Variants in PRKCA observed in about 807,000 individuals in gnomAD.
PRKCA encodes protein kinase C alpha.
In PRKCA, 27 loss-of-function variants were observed where a neutral mutation model predicts 87.0. That is an observed-to-expected ratio of 0.31 (90% CI 0.23 to 0.43). The LOEUF is 0.43. Ranked by LOEUF, PRKCA falls within the 20% of genes least tolerant of loss-of-function variation. The pLI is 1.00. For synonymous variants in PRKCA, 329 were observed against 311.1 expected, an observed-to-expected ratio of 1.06 and a Z score of -0.61; for missense variants, 518 against 852.3, an observed-to-expected ratio of 0.61 and a Z score of 4.88.
At position 66,360,394 on chromosome 17, in the gene PRKCA, G is replaced by A. The variant is rs183601848; in HGVS notation, c.205+54267G>A. 1.1e-4 allele frequency among the ~76,000 whole-genome samples: 16 copies of A among 152,284 alleles called. No individual in the cohort carries two copies. In the East Asian group the frequency reaches 1.9e-3, roughly 18 times the overall value. On this transcript the variant is annotated intron_variant, in intron 2 of 16. Coordinates refer to ENST00000413366, the MANE Select transcript of PRKCA (RefSeq NM_002737.3). Reference sequence around the variant, plus strand: ...CCTCCATGAGTCTTAGCTGCTCCACGAGAAAAATACTCACTGTTTTCTCAT... The same window carrying A: ...CCTCCATGAGTCTTAGCTGCTCCACAAGAAAAATACTCACTGTTTTCTCAT...
chr17:66,648,290 A>T (rs182247504), intron 5 of PRKCA, among the ~76,000 whole-genome samples: 247 of 152,364 alleles, frequency 1.6e-3, no homozygotes, highest in Non-Finnish European at 2.6e-3. Flanking sequence ...CAATCTGAAG[A>T]TATGAATTCA....
At chr17:66,707,868 G>T (rs533604158) in intron 8 of PRKCA, among the ~76,000 whole-genome samples, 1 of 152,170 alleles carries the variant, frequency 6.6e-6, no homozygotes, top group African/African-American at 2.4e-5. Context: ...CTTTGTCCAC[G>T]TAGCAGTATC....
At chr17:66,644,286 A>C (rs776707576) in intron 4 of PRKCA, among the ~76,000 whole-genome samples, 6 of 152,130 alleles carry the variant, frequency 3.9e-5, no homozygotes, top group Non-Finnish European at 7.4e-5. Context: ...GCTTTTTCCA[A>C]TTTACTTTGT....
chr17:66,335,039 A>G (rs568091011), intron 2 of PRKCA, among the ~76,000 whole-genome samples: 1 of 152,334 alleles, frequency 6.6e-6, no homozygotes, highest in African/African-American at 2.4e-5. Context: ...CATGAGTTAT[A>G]CATTTCATGT....
chr17:66,631,653 G>T (rs891775068), intron 3 of PRKCA, among the ~76,000 whole-genome samples: 12 of 152,070 alleles, frequency 7.9e-5, no homozygotes, highest in African/African-American at 2.9e-4. Flanking sequence ...GTTGTGCAGG[G>T]TGACTATAAT....
intron 2 of PRKCA, among the ~76,000 whole-genome samples, chr17:66,385,892 G>A (rs1001559122): frequency 2.0e-5 from 3 of 152,050 alleles, no homozygotes; most frequent in African/African-American, 7.2e-5. Flanking sequence ...CAAGTAGCTG[G>A]GATTACAGGC....
chr17:66,545,523 T>A (rs767209470), intron 3 of PRKCA, among the ~76,000 whole-genome samples: 8 of 152,158 alleles, frequency 5.3e-5, no homozygotes, highest in Non-Finnish European at 1.0e-4. Flanking sequence ...TAATCCTACA[T>A]CACATCATGC....
At chr17:66,574,282 C>T (rs1396601793) in intron 3 of PRKCA, among the ~76,000 whole-genome samples, 1 of 152,140 alleles carries the variant, frequency 6.6e-6, no homozygotes, top group Non-Finnish European at 1.5e-5. Flanking sequence ...AAATGGCCTA[C>T]ATGGAATGGG....
intron 2 of PRKCA, among the ~76,000 whole-genome samples, chr17:66,389,158 T>C (rs1910225446): frequency 6.6e-6 from 1 of 152,202 alleles, no homozygotes; most frequent in Non-Finnish European, 1.5e-5. Flanking sequence ...AAACGTGGCT[T>C]TCCTTTTCCT....
At chr17:66,516,656 G>C (rs962103594) in intron 3 of PRKCA, among the ~76,000 whole-genome samples, 1 of 151,974 alleles carries the variant, frequency 6.6e-6, no homozygotes, top group African/African-American at 2.4e-5. Context: ...TAAGTTGCAG[G>C]ACTTGATATG....
intron 3 of PRKCA, among the ~76,000 whole-genome samples, chr17:66,620,850 T>C (rs1436488262): frequency 6.6e-6 from 1 of 152,238 alleles, no homozygotes; most frequent in African/African-American, 2.4e-5. Context: ...AAATCTGTCT[T>C]GCAGCTAACA....
chr17:66,649,957 T>C (rs1288243019), intron 5 of PRKCA, among the ~76,000 whole-genome samples: 3 of 152,134 alleles, frequency 2.0e-5, no homozygotes, highest in Non-Finnish European at 2.9e-5. Flanking sequence ...AGAGCTCCGA[T>C]TGAGAGAGTC....
chr17:66,582,714 G>A (rs1192751779), intron 3 of PRKCA, among the ~76,000 whole-genome samples: 1 of 152,178 alleles, frequency 6.6e-6, no homozygotes, highest in Non-Finnish European at 1.5e-5. Flanking sequence ...TGTAGTTTGT[G>A]TAGTTTTCCA....
chr17:66,416,352 G>GT (rs1912145569), intron 2 of PRKCA: 1 of 152,678 alleles, frequency 6.5e-6, no homozygotes, highest in South Asian at 2.1e-4. Flanking sequence ...CTCCACGTGT[G>GT]TGCCCGACGT....
chr17:66,348,255 T>G lies in PRKCA; in HGVS notation c.205+42128T>G, dbSNP rs944267776. 1.3e-5 allele frequency among the ~76,000 whole-genome samples: 2 copies of G among 152,094 alleles called. 1 individual carries two copies. Among genetic ancestry groups the G allele is most frequent in the African/African-American group, 4.8e-5 (2 of 41,416 alleles). On this transcript the variant is annotated intron_variant, in intron 2 of 16. Coordinates refer to ENST00000413366, the MANE Select transcript of PRKCA (RefSeq NM_002737.3). ...CCATGCCTGGCCCAGAATCAATAAT[T>G]GTTAATGCTTCATCGAGACTTTCTT...
intron 3 of PRKCA, among the ~76,000 whole-genome samples, chr17:66,619,155 C>A (rs1242424095): frequency 1.3e-5 from 2 of 152,266 alleles, no homozygotes; most frequent in East Asian, 3.9e-4. Context: ...TGCAAACTGG[C>A]AGAAGTAGTG....
At chr17:66,427,027 A>C (rs1912847082) in intron 2 of PRKCA, among the ~76,000 whole-genome samples, 1 of 151,368 alleles carries the variant, frequency 6.6e-6, no homozygotes, top group South Asian at 2.1e-4. Context: ...CAGCCACTTA[A>C]AAAAAAATTT....
chr17:66,486,932 C>T (rs1374633091), intron 2 of PRKCA, among the ~76,000 whole-genome samples: 7 of 152,062 alleles, frequency 4.6e-5, no homozygotes, highest in African/African-American at 1.2e-4. Context: ...ATATCAGATG[C>T]ACCCCCAAAA....
intron 5 of PRKCA, among the ~76,000 whole-genome samples, chr17:66,653,635 T>G (rs1205544886): frequency 1.3e-5 from 2 of 152,124 alleles, no homozygotes; most frequent in Admixed American, 1.3e-4. Context: ...AAGCTGTTGC[T>G]TATTGTATAA....
Sources: allele counts gnomAD v4.1 joint callset (sites outside exome capture counted in the v4.1 genomes callset), GRCh38; gene constraint gnomAD v4.1.1; transcripts MANE v1.5; gene names NCBI Gene and HGNC (gene_info 2026-07-23, HGNC 2026-07-21).